The following DHX9 variants were observed in gnomAD, a reference collection of about 807,000 sequenced individuals.
DHX9 encodes DExH-box helicase 9, also known as ATP-dependent RNA helicase A.
Under a neutral mutation model 148.7 loss-of-function variants are expected in DHX9, and 27 were observed. That is an observed-to-expected ratio of 0.18 (90% CI 0.13 to 0.25). DHX9 has a LOEUF of 0.25. Among genes scored for constraint, DHX9 ranks in the 10% least tolerant of loss-of-function variants. The probability of loss-of-function intolerance (pLI) is 1.00; values close to 1 mark genes in which losing one functional copy is unlikely to be tolerated. For synonymous variants in DHX9, 529 were observed against 516.6 expected (o/e 1.02, Z -0.33); for missense variants, 796 against 1,559.6 (o/e 0.51, Z 8.25).
At chr1:182,873,712 C>T (rs1046245825) in intron 15 of DHX9, among the ~76,000 whole-genome samples, 5 of 152,136 alleles carry the variant, frequency 3.3e-5, no homozygotes, top group African/African-American at 9.7e-5. Flanking sequence ...TTTTCTAGCT[C>T]TGTGCTGAGT....
intron 3 of DHX9, among the ~76,000 whole-genome samples, chr1:182,849,020 AC>A (rs903971718): frequency 6.6e-6 from 1 of 152,216 alleles, no homozygotes; most frequent in Non-Finnish European, 1.5e-5. Flanking sequence ...CCTACCTCCA[AC>A]ATTGAGGATT....
Position 182,858,603 on chromosome 1 carries a change from A to T in DHX9, c.863A>T (p.Asn288Ile). 1 of 1,611,630 alleles carries T rather than the reference A, an allele frequency of 6.2e-7. No individual in the cohort carries two copies. The highest frequency in any genetic ancestry group is 8.5e-7 in the Non-Finnish European group (1 of 1,178,228). The part of the protein sequence containing the change: ...LSQDLEHQLQ[N>I]IIQELNLEIL... ...CAAGATTTAGAGCATCAGCTGCAAA[A>T]CATCATTCAAGAGCTAAATCTTGAG... is the stretch of plus-strand genomic sequence containing the variant. Residue 288 changes from asparagine to isoleucine, a missense_variant, in exon 9 of 28, where the codon AAC becomes ATC. Transcript: ENST00000367549.
chr1:182,852,087 G>A (rs1183474189), intron 3 of DHX9, 146 bp from the exon 4 acceptor site: 17 of 552,208 alleles, frequency 3.1e-5, no homozygotes, highest in Admixed American at 1.4e-4. Flanking sequence ...GAGATGCACT[G>A]CTCTAGAGAC....
At chr1:182,885,973 TAGAA>T (rs1204314315) in intron 27 of DHX9, among the ~76,000 whole-genome samples, 8 of 152,122 alleles carry the variant, frequency 5.3e-5, no homozygotes, top group Admixed American at 4.6e-4. Flanking sequence ...GTCCGGAAAC[TAGAA>T]AGAAAGGGAT....
At chr1:182,869,966 C>G (rs922809616) in intron 14 of DHX9, among the ~76,000 whole-genome samples, 1 of 152,144 alleles carries the variant, frequency 6.6e-6, no homozygotes, top group African/African-American at 2.4e-5. Context: ...ACATAGAAAA[C>G]CCAAGTGCAC....
chr1:182,841,541 A>G (rs543227519), intron 1 of DHX9, among the ~76,000 whole-genome samples: 16 of 152,234 alleles, frequency 1.1e-4, no homozygotes, highest in Non-Finnish European at 1.8e-4. Context: ...CCCTTCGCCA[A>G]ATGGATGACC....
At position 182,884,359 on chromosome 1, in the gene DHX9, G is replaced by A. The variant is rs1258544574; in HGVS notation, c.3261-254G>A. On this transcript the variant is annotated intron_variant, in intron 26 of 27. Coordinates refer to ENST00000367549, the MANE Select transcript of DHX9 (RefSeq NM_001357.5). ...CATATATTTTTATTATATTTTATTT[G>A]GCTTGATAGACTTTTTGGCTTAAGA... is the stretch of plus-strand genomic sequence containing the variant. Among the ~76,000 whole-genome samples the A allele has an allele frequency of 2.0e-5, 3 of 151,982 alleles. No homozygotes were observed. The East Asian group carries it at 5.8e-4, about 29-fold the overall frequency.
chr1:182,846,307 G>A (rs1300551707), intron 3 of DHX9, among the ~76,000 whole-genome samples: 5 of 150,856 alleles, frequency 3.3e-5, no homozygotes, highest in Admixed American at 1.3e-4. Flanking sequence ...GCATGATCTC[G>A]GCTCACCGCC....
intron 1 of DHX9, among the ~76,000 whole-genome samples, chr1:182,840,267 G>A (rs1667896610): frequency 6.6e-6 from 1 of 151,452 alleles, no homozygotes; most frequent in South Asian, 2.1e-4. Context: ...AGTAGATCTG[G>A]AGTCAGGCTA....
chr1:182,859,197 C>A, intron 11 of DHX9, 80 bp downstream of exon 11: 2 of 1,324,352 alleles, frequency 1.5e-6, no homozygotes, highest in Non-Finnish European at 2.2e-6. Context: ...ATGAGCAGTA[C>A]ATTTTGCCCT....
intron 7 of DHX9, among the ~76,000 whole-genome samples, chr1:182,857,811 G>A (rs965171055): frequency 6.6e-6 from 1 of 152,122 alleles, no homozygotes; most frequent in African/African-American, 2.4e-5. Flanking sequence ...CCATTTTAAT[G>A]TCTGATATTA....
chr1:182,866,326 TTC>T (rs1648296178), intron 12 of DHX9, 116 bp from the exon 13 acceptor site: 1 of 999,858 alleles, frequency 1.0e-6, no homozygotes, highest in African/African-American at 1.6e-5. Flanking sequence ...CATTTATTGT[TTC>T]TGTTAATTAT....
chr1:182,881,568 T>G lies in DHX9; in HGVS notation c.2835T>G (p.Leu945=). ...AEIRFCEHKR[L]NMATLRMTWE... ...TACGTTTTTGTGAGCACAAAAGACTTAATATGGCTACACTAAGAATGACTT... is the reference window on the plus strand; with the variant it reads ...TACGTTTTTGTGAGCACAAAAGACTGAATATGGCTACACTAAGAATGACTT... Residue 945 remains leucine, a synonymous_variant, in exon 24 of 28, where the codon CTT becomes CTG. Transcript: ENST00000367549. The G allele has an allele frequency of 6.2e-7, 1 of 1,613,406 alleles. No homozygotes were observed. Among genetic ancestry groups the G allele is most frequent in the Non-Finnish European group, 8.5e-7 (1 of 1,179,826 alleles).
chr1:182,880,834 A>G (rs1649051936), intron 22 of DHX9, among the ~76,000 whole-genome samples: 1 of 152,176 alleles, frequency 6.6e-6, no homozygotes, highest in Non-Finnish European at 1.5e-5. Context: ...TGATTTCTCA[A>G]AAGTTAAAAG....
intron 3 of DHX9, among the ~76,000 whole-genome samples, chr1:182,845,732 C>T (rs1378077755): frequency 6.6e-6 from 1 of 152,224 alleles, no homozygotes; most frequent in Admixed American, 6.5e-5. Context: ...GTTTTCATGA[C>T]TGCCTCTTTG....
intron 16 of DHX9, among the ~76,000 whole-genome samples, chr1:182,875,755 AT>A (rs1439919605): frequency 1.3e-5 from 2 of 152,218 alleles, no homozygotes; most frequent in Non-Finnish European, 2.9e-5. Context: ...CATTATTTCA[AT>A]AATACAAAGA....
Position 182,882,592 on chromosome 1 carries a change from C to T in DHX9, c.2915-547C>T, listed in dbSNP as rs145175868. Among the ~76,000 whole-genome samples the T allele has an allele frequency of 2.7e-3, 410 of 152,180 alleles. 2 individuals are homozygous for T. Among genetic ancestry groups the T allele is most frequent in the African/African-American group, 9.2e-3 (381 of 41,514 alleles). On this transcript the variant is annotated intron_variant, in intron 24 of 27. Coordinates refer to ENST00000367549, the MANE Select transcript of DHX9 (RefSeq NM_001357.5). Reference sequence around the variant, plus strand: ...TTAAAAAGTAATCACCCCGGCCGGGCGCAGTGGCTCACACCTGTAATCCCA... The same window carrying T: ...TTAAAAAGTAATCACCCCGGCCGGGTGCAGTGGCTCACACCTGTAATCCCA...
chr1:182,868,154 A>G (rs1362828596), intron 14 of DHX9, among the ~76,000 whole-genome samples: 1 of 152,212 alleles, frequency 6.6e-6, no homozygotes, highest in Non-Finnish European at 1.5e-5. Context: ...ATATTTCATA[A>G]TATCATAAGT....
At chr1:182,875,896 G>A (rs1648742231) in intron 16 of DHX9, among the ~76,000 whole-genome samples, 154 bp from the exon 17 acceptor site, 1 of 152,090 alleles carries the variant, frequency 6.6e-6, no homozygotes, top group African/African-American at 2.4e-5. Flanking sequence ...TACATTTTTG[G>A]AAATTAAATT....
Sources: gnomAD v4.1 joint callset for allele counts (sites outside exome capture counted in the v4.1 genomes callset) on GRCh38, gnomAD v4.1.1 for gene constraint, MANE v1.5 for transcripts, NCBI Gene and HGNC (gene_info 2026-07-23, HGNC 2026-07-21) for gene names.